The following ANK3 variants were observed in gnomAD, a reference collection of about 807,000 sequenced individuals.
The protein encoded by ANK3 is ankyrin 3.
ANK3 carries 57 observed loss-of-function variants against 370.9 expected under a neutral mutation model. That is an observed-to-expected ratio of 0.15 (90% confidence interval 0.12 to 0.19). The LOEUF (loss-of-function observed/expected upper bound fraction) is 0.19. ANK3 is among the 10% of genes least tolerant of loss of function. The pLI, the probability that ANK3 is intolerant of heterozygous loss-of-function variation, is 1.00. For missense variants in ANK3, 4,439 were observed against 5,302.1 expected (o/e 0.84, Z 5.06); for synonymous variants, 1,929 against 1,946.3 (o/e 0.99, Z 0.23).
chr10:60,724,403 T>C (rs1425113720), intron 1 of ANK3, among the ~76,000 whole-genome samples: 5 of 151,876 alleles, frequency 3.3e-5, no homozygotes, highest in Admixed American at 6.6e-5. Context: ...AGTATTACAA[T>C]AGAATGTGAT....
intron 2 of ANK3, among the ~76,000 whole-genome samples, chr10:60,410,128 T>G (rs1436363359): frequency 6.6e-6 from 1 of 152,106 alleles, no homozygotes; most frequent in Non-Finnish European, 1.5e-5. Flanking sequence ...TCACACACCT[T>G]GCTTCAAAGT....
intron 2 of ANK3, among the ~76,000 whole-genome samples, chr10:60,535,736 A>G (rs549305616): frequency 9.1e-4 from 139 of 152,186 alleles, no homozygotes; most frequent in African/African-American, 3.2e-3. Context: ...TTCATTGCAC[A>G]TTATTTTTAT....
intron 2 of ANK3, among the ~76,000 whole-genome samples, chr10:60,543,742 T>C (rs1399320689): frequency 6.6e-6 from 1 of 152,080 alleles, no homozygotes; most frequent in Non-Finnish European, 1.5e-5. Flanking sequence ...AATCATTCAT[T>C]TCCTGAGATA....
chr10:60,146,829 A>T (rs1215628036), intron 23 of ANK3, among the ~76,000 whole-genome samples: 1 of 152,202 alleles, frequency 6.6e-6, no homozygotes, highest in Admixed American at 6.5e-5. Context: ...CAGCCTAGAG[A>T]ATCCAAATGA....
intron 2 of ANK3, among the ~76,000 whole-genome samples, chr10:60,510,834 A>C (rs905709109): frequency 2.0e-5 from 3 of 151,858 alleles, no homozygotes; most frequent in Non-Finnish European, 4.4e-5. Flanking sequence ...TAAATAAATA[A>C]ATAAAATAAA....
intron 2 of ANK3, among the ~76,000 whole-genome samples, chr10:60,529,392 G>GA (rs2076552213): frequency 6.6e-6 from 1 of 152,150 alleles, no homozygotes; most frequent in African/African-American, 2.4e-5. Flanking sequence ...GCACATGGTG[G>GA]AAGAGGCTGT....
chr10:60,330,642 A>G (rs1487191946), intron 1 of ANK3, among the ~76,000 whole-genome samples: 2 of 152,232 alleles, frequency 1.3e-5, no homozygotes, highest in Admixed American at 6.5e-5. Flanking sequence ...ATGTGGAGAA[A>G]TAGGAACACT....
At chr10:60,419,703 T>C (rs2063739529) in intron 2 of ANK3, among the ~76,000 whole-genome samples, 1 of 152,184 alleles carries the variant, frequency 6.6e-6, no homozygotes, top group African/African-American at 2.4e-5. Context: ...TGATTTCTAA[T>C]TTTTAGTCCA....
intron 2 of ANK3, among the ~76,000 whole-genome samples, chr10:60,428,212 C>T (rs2063932743): frequency 6.6e-6 from 1 of 152,160 alleles, no homozygotes; most frequent in Non-Finnish European, 1.5e-5. Context: ...TAAACAAGCA[C>T]ATCAAAACAT....
At chr10:60,577,608 A>G (rs2077699123) in intron 2 of ANK3, among the ~76,000 whole-genome samples, 1 of 152,062 alleles carries the variant, frequency 6.6e-6, no homozygotes, top group Admixed American at 6.6e-5. Context: ...TTCCACCATG[A>G]TTGTGAGGCG....
intron 1 of ANK3, among the ~76,000 whole-genome samples, chr10:60,641,944 A>C (rs2078639592): frequency 6.7e-6 from 1 of 148,364 alleles, no homozygotes; most frequent in South Asian, 2.2e-4. Context: ...AGAAAAAAAC[A>C]AACAACCCCA....
intron 25 of ANK3, among the ~76,000 whole-genome samples, chr10:60,115,668 T>C (rs569161947): frequency 5.9e-5 from 9 of 152,244 alleles, no homozygotes; most frequent in African/African-American, 2.2e-4. Flanking sequence ...CAGTGCTAAA[T>C]ACAATGTCAG....
chr10:60,325,957 A>G (rs1434737930), intron 1 of ANK3, among the ~76,000 whole-genome samples: 5 of 152,222 alleles, frequency 3.3e-5, no homozygotes, highest in Admixed American at 2.0e-4. Flanking sequence ...CCATAAAAAG[A>G]ACAAGATCAT....
intron 8 of ANK3, among the ~76,000 whole-genome samples, chr10:60,234,085 T>G (rs1354048883): frequency 6.6e-6 from 1 of 152,224 alleles, no homozygotes; most frequent in Non-Finnish European, 1.5e-5. Context: ...GATTTCCTTC[T>G]AAGGGCCGAA....
intron 27 of ANK3, 140 bp downstream of exon 27, chr10:60,108,690 G>A (rs917500615): frequency 1.4e-6 from 1 of 697,810 alleles, no homozygotes; most frequent in African/African-American, 1.8e-5. Context: ...ACAGCTTTGT[G>A]ACCTTTGACA....
chr10:60,437,954 T>C (rs1216246678), intron 2 of ANK3, among the ~76,000 whole-genome samples: 2 of 152,212 alleles, frequency 1.3e-5, no homozygotes, highest in African/African-American at 2.4e-5. Flanking sequence ...CAAAACTCTA[T>C]GCTTTTATTA....
chr10:60,181,965 T>C (rs868471877), intron 17 of ANK3, among the ~76,000 whole-genome samples: 4 of 152,296 alleles, frequency 2.6e-5, no homozygotes, highest in African/African-American at 7.2e-5. Context: ...TTTTCCTATA[T>C]GTGTTTCACC....
rs949250488 is a variant in ANK3, at chr10:60,434,487, C to T, written c.97-154848G>A. 4.6e-5 allele frequency among the ~76,000 whole-genome samples: 7 copies of T among 152,298 alleles called. No individual in the cohort carries two copies. The East Asian group carries it at 1.2e-3, about 25-fold the overall frequency. On this transcript the variant is annotated intron_variant, in intron 2 of 43. Transcript: ENST00000373827. The stretch of plus-strand genomic sequence containing the variant: ...AAACATTTTTAATGTGAGTTATCTT[C>T]CAATTTGTTTTCTTTAAAAAATTAA...
In ANK3 at chr10:60,205,899, G is replaced by A. The variant is rs775465250; in HGVS notation, c.1195-9C>T. 1.3e-6 allele frequency: 2 copies of A among 1,548,048 alleles called. No homozygotes were observed. Among genetic ancestry groups the A allele is most frequent in the South Asian group, 2.2e-5 (2 of 89,686 alleles). On this transcript the variant is annotated splice_polypyrimidine_tract_variant and intron_variant, in intron 10 of 43. Coordinates refer to ENST00000280772, the MANE Select transcript of ANK3 (RefSeq NM_020987.5). ...AGAGGGGTAAAGCCATTCTGCAAGG[G>A]ACAAATACATATACCTGCTTGACTA...
Sources: gnomAD v4.1 joint callset for allele counts (sites outside exome capture counted in the v4.1 genomes callset) on GRCh38, gnomAD v4.1.1 for gene constraint, MANE v1.5 for transcripts, NCBI Gene and HGNC (gene_info 2026-07-23, HGNC 2026-07-21) for gene names.